The following CTNNA3 variants were observed in gnomAD, a reference collection of about 807,000 sequenced individuals.
CTNNA3 encodes the protein catenin alpha 3, also known as catenin alpha-3.
A neutral mutation model predicts 95.7 loss-of-function variants in CTNNA3; 76 were observed. The observed-to-expected ratio is 0.79, with a 90% CI of 0.66 to 0.96. CTNNA3 has a LOEUF of 0.96. CTNNA3 is among the 40% of genes least tolerant of loss of function. The pLI is 0.00. For synonymous variants in CTNNA3, 431 were observed against 374.4 expected (o/e 1.15, Z -1.74); for missense variants, 1,191 against 1,089.8 (o/e 1.09, Z -1.31).
At position 67,014,589 on chromosome 10, in the gene CTNNA3, C is replaced by T. The variant is rs539696453; in HGVS notation, c.1047+165728G>A. On this transcript the variant is annotated intron_variant, in intron 7 of 17. Coordinates refer to ENST00000433211, the MANE Select transcript of CTNNA3 (RefSeq NM_013266.4). Reference sequence around the variant, plus strand: ...AATTCCAAAATTTATAATGTATTTGCCAAAGACTTTCTTTAGTAGCTAATG... The same window carrying T: ...AATTCCAAAATTTATAATGTATTTGTCAAAGACTTTCTTTAGTAGCTAATG... Among the ~76,000 whole-genome samples the T allele has an allele frequency of 3.3e-5, 5 of 151,966 alleles. No individual in the cohort carries two copies. In the East Asian group the frequency reaches 9.7e-4, roughly 29 times the overall value.
chr10:66,133,952 C>A (rs1368838978), intron 13 of CTNNA3, among the ~76,000 whole-genome samples: 1 of 152,046 alleles, frequency 6.6e-6, no homozygotes, highest in Non-Finnish European at 1.5e-5. Context: ...AAATTATTTA[C>A]ATCCTCATTT....
At position 66,695,833 on chromosome 10, in the gene CTNNA3, T is replaced by A. The variant is rs113340774; in HGVS notation, c.1281+70431A>T. Reference sequence around the variant, plus strand: ...TCCAATTCTCAAGAGACCCACTGCATTGAAAATCCTGGGGTCTTTTTGTAT... The same window carrying A: ...TCCAATTCTCAAGAGACCCACTGCAATGAAAATCCTGGGGTCTTTTTGTAT... On this transcript the variant is annotated intron_variant, in intron 9 of 17. Coordinates refer to ENST00000433211, the MANE Select transcript of CTNNA3 (RefSeq NM_013266.4). Among the ~76,000 whole-genome samples the A allele has an allele frequency of 7.0e-3, 1,044 of 149,324 alleles. 12 individuals are homozygous for A. Among genetic ancestry groups the A allele is most frequent in the African/African-American group, 0.024 (993 of 40,854 alleles).
In CTNNA3 at chr10:67,553,431, C is replaced by T. The variant is rs186183050; in HGVS notation, c.293-13762G>A. 1.3e-3 allele frequency among the ~76,000 whole-genome samples: 204 copies of T among 152,200 alleles called. 1 individual carries two copies. Among genetic ancestry groups the T allele is most frequent in the African/African-American group, 4.5e-3 (186 of 41,536 alleles). ...CTGGAAAAACATCTTGAGTCACTAT[C>T]GAAATCTAAACATTTTAAAGTCCTC... On this transcript the variant is annotated intron_variant, in intron 3 of 17. Coordinates refer to ENST00000433211, the MANE Select transcript of CTNNA3 (RefSeq NM_013266.4).
intron 13 of CTNNA3, among the ~76,000 whole-genome samples, chr10:66,184,278 G>A (rs2086211376): frequency 1.3e-5 from 2 of 152,202 alleles, no homozygotes; most frequent in South Asian, 4.1e-4. Flanking sequence ...CAGCTTGGGT[G>A]GCAGAGCAAG....
At chr10:66,977,256 G>A (rs983088147) in intron 7 of CTNNA3, among the ~76,000 whole-genome samples, 3 of 152,136 alleles carry the variant, frequency 2.0e-5, no homozygotes, top group Admixed American at 1.3e-4. Flanking sequence ...GGCCAACATG[G>A]TGAAACCCCG....
intron 7 of CTNNA3, among the ~76,000 whole-genome samples, chr10:66,877,260 C>T (rs1844661756): frequency 6.6e-6 from 1 of 152,112 alleles, no homozygotes; most frequent in African/African-American, 2.4e-5. Context: ...ATTGGCCAAG[C>T]CCCAAAACGT....
At chr10:67,696,469 C>T (rs1554877296), upstream of CTNNA3, among the ~76,000 whole-genome samples, 1 of 152,156 alleles carries the variant, frequency 6.6e-6, no homozygotes, top group Non-Finnish European at 1.5e-5. Flanking sequence ...ATCCTCACAT[C>T]AAAAGATCAA....
intron 5 of CTNNA3, among the ~76,000 whole-genome samples, chr10:67,409,754 G>T (rs1266159084): frequency 6.6e-6 from 1 of 152,042 alleles, no homozygotes; most frequent in East Asian, 1.9e-4. Flanking sequence ...TAAAATAAAA[G>T]TTGAAGGACA....
At chr10:65,943,632 CTGAAGG>C (rs1470416447) in intron 17 of CTNNA3, among the ~76,000 whole-genome samples, 3 of 152,180 alleles carry the variant, frequency 2.0e-5, no homozygotes, top group Non-Finnish European at 4.4e-5. Context: ...GATGGGAACC[CTGAAGG>C]GTTCAGCCAC....
chr10:67,737,330 T>C (rs1005561593), intron 1 of CTNNA3, among the ~76,000 whole-genome samples: 3 of 151,778 alleles, frequency 2.0e-5, no homozygotes, highest in African/African-American at 7.3e-5. Context: ...TACCAAAAGA[T>C]ACACAATAGA....
At chr10:66,552,422 A>G (rs1349029330) in intron 10 of CTNNA3, among the ~76,000 whole-genome samples, 1 of 152,178 alleles carries the variant, frequency 6.6e-6, no homozygotes, top group Non-Finnish European at 1.5e-5. Context: ...ACACATGCAC[A>G]CAACAGGAAA....
chr10:66,402,346 T>G (rs2132563332), intron 11 of CTNNA3, among the ~76,000 whole-genome samples: 1 of 152,234 alleles, frequency 6.6e-6, no homozygotes, highest in Admixed American at 6.5e-5. Flanking sequence ...TGTGATTTCC[T>G]TGAGGAAAAA....
intron 7 of CTNNA3, among the ~76,000 whole-genome samples, chr10:66,920,481 A>G (rs1340626164): frequency 6.6e-6 from 1 of 152,230 alleles, no homozygotes; most frequent in Non-Finnish European, 1.5e-5. Flanking sequence ...CTCCAAGGCC[A>G]TATGCAAAGA....
At chr10:66,692,928 C>T (rs1847608049) in intron 9 of CTNNA3, among the ~76,000 whole-genome samples, 1 of 152,078 alleles carries the variant, frequency 6.6e-6, no homozygotes. Context: ...ATTTTGTCAC[C>T]ACCAGGCCTG....
At chr10:65,993,920 G>A (rs939565723) in intron 15 of CTNNA3, among the ~76,000 whole-genome samples, 1 of 152,078 alleles carries the variant, frequency 6.6e-6, no homozygotes, top group African/African-American at 2.4e-5. Context: ...ATTTTTAGCA[G>A]AGACAGGGTT....
chr10:66,603,617 T>C (rs1844010097), intron 10 of CTNNA3, among the ~76,000 whole-genome samples: 1 of 152,102 alleles, frequency 6.6e-6, no homozygotes, highest in African/African-American at 2.4e-5. Context: ...AAAGACTGAA[T>C]AGTTAAAGCA....
intron 5 of CTNNA3, among the ~76,000 whole-genome samples, chr10:67,253,194 A>G (rs951804399): frequency 3.3e-5 from 5 of 152,190 alleles, no homozygotes; most frequent in African/African-American, 1.2e-4. Flanking sequence ...CTGATAACCG[A>G]GAGGGCTACT....
chr10:66,529,450 G>GT (rs58249940), intron 10 of CTNNA3, among the ~76,000 whole-genome samples: 1,636 of 141,550 alleles, frequency 0.012, 27 homozygotes, highest in African/African-American at 0.038. Flanking sequence ...TTTTTTTTTT[G>GT]TTTTTTTTTT....
At chr10:66,651,700 G>A (rs576718336) in intron 9 of CTNNA3, among the ~76,000 whole-genome samples, 86 of 152,062 alleles carry the variant, frequency 5.7e-4, no homozygotes, top group African/African-American at 2.0e-3. Context: ...TGCACCTGCT[G>A]GCCCGGGTGC....
Sources: gnomAD v4.1 joint callset for allele counts (sites outside exome capture counted in the v4.1 genomes callset) on GRCh38, gnomAD v4.1.1 for gene constraint, MANE v1.5 for transcripts, NCBI Gene and HGNC (gene_info 2026-07-23, HGNC 2026-07-21) for gene names.